EPB41L4A: variants seen among roughly 807,000 people sequenced by gnomAD.
EPB41L4A encodes the protein erythrocyte membrane protein band 4.1 like 4A, also known as band 4.1-like protein 4A.
Under a neutral mutation model 108.6 loss-of-function variants are expected in EPB41L4A, and 100 were observed. The observed-to-expected ratio is 0.92, with a 90% CI of 0.78 to 1.09. The LOEUF (loss-of-function observed/expected upper bound fraction) is 1.09. Ranked by LOEUF, EPB41L4A falls within the 50% of genes least tolerant of loss-of-function variation. The pLI is 0.00. For synonymous variants in EPB41L4A, 319 were observed against 289.0 expected (o/e 1.10, Z -1.05); for missense variants, 1,030 against 842.7 (o/e 1.22, Z -2.75).
chr5:112,150,366 T>C (rs1416877546), intron 12 of EPB41L4A, among the ~76,000 whole-genome samples: 1 of 150,856 alleles, frequency 6.6e-6, no homozygotes, highest in African/African-American at 2.4e-5. Context: ...AGTATCAGAG[T>C]ATTGAATAGT....
At chr5:112,383,773 A>AT (rs1760317678) in intron 1 of EPB41L4A, among the ~76,000 whole-genome samples, 1 of 152,220 alleles carries the variant, frequency 6.6e-6, no homozygotes, top group Non-Finnish European at 1.5e-5. Flanking sequence ...AATCCAATAT[A>AT]TAAGACCTTA....
chr5:112,365,791 C>T (rs1759086948), intron 1 of EPB41L4A, among the ~76,000 whole-genome samples: 1 of 152,140 alleles, frequency 6.6e-6, no homozygotes, highest in African/African-American at 2.4e-5. Flanking sequence ...AGTTTGATGA[C>T]CTTGATGGTT....
chr5:112,368,756 G>T (rs898038069), intron 1 of EPB41L4A, among the ~76,000 whole-genome samples: 2 of 152,118 alleles, frequency 1.3e-5, no homozygotes, highest in African/African-American at 4.8e-5. Flanking sequence ...GATGCTATTT[G>T]CTTTTCTGGT....
intron 12 of EPB41L4A, among the ~76,000 whole-genome samples, chr5:112,221,209 C>G (rs1359201158): frequency 6.6e-6 from 1 of 152,126 alleles, no homozygotes; most frequent in African/African-American, 2.4e-5. Context: ...CATTAAAACC[C>G]CCTTCTTTTG....
chr5:112,213,967 T>C (rs1415723489), intron 12 of EPB41L4A, among the ~76,000 whole-genome samples: 9 of 152,236 alleles, frequency 5.9e-5, no homozygotes, highest in African/African-American at 1.2e-4. Context: ...CATACCACCA[T>C]TTGAGATAGC....
intron 12 of EPB41L4A, among the ~76,000 whole-genome samples, chr5:112,152,828 A>T (rs1419591075): frequency 6.6e-6 from 1 of 152,224 alleles, no homozygotes; most frequent in Non-Finnish European, 1.5e-5. Flanking sequence ...AGCAAAAAAA[A>T]TTACCAGATT....
chr5:112,182,185 G>T (rs1254053877), intron 18 of EPB41L4A, among the ~76,000 whole-genome samples: 3 of 152,182 alleles, frequency 2.0e-5, no homozygotes, highest in Non-Finnish European at 2.9e-5. Context: ...GGATGGATAG[G>T]TTATGGATAC....
intron 1 of EPB41L4A, among the ~76,000 whole-genome samples, chr5:112,390,803 A>G (rs902663441): frequency 5.3e-5 from 8 of 152,290 alleles, no homozygotes; most frequent in Admixed American, 3.3e-4. Context: ...GTAGGGGCCA[A>G]CTGACACCTC....
At chr5:112,207,634 A>G (rs1177075089) in intron 13 of EPB41L4A, among the ~76,000 whole-genome samples, 4 of 152,196 alleles carry the variant, frequency 2.6e-5, no homozygotes, top group African/African-American at 9.7e-5. Flanking sequence ...GCACTTTTCC[A>G]AAGAAGACAT....
exon 14 of EPB41L4A, chr5:112,142,949 G>A (rs1736673688): frequency 6.6e-6 from 1 of 152,128 alleles, no homozygotes; most frequent in African/African-American, 2.4e-5. Context: ...TGCCAAGAGT[G>A]AGCCATGAGA....
At chr5:112,244,487 AAGAG>A (rs1415090287) in intron 9 of EPB41L4A, among the ~76,000 whole-genome samples, 1 of 152,010 alleles carries the variant, frequency 6.6e-6, no homozygotes, top group Non-Finnish European at 1.5e-5. Context: ...CTCCCTGAGA[AAGAG>A]AAAGAGACGT....
At position 112,208,615 on chromosome 5, in the gene EPB41L4A, G is replaced by C. The variant is rs746708223; in HGVS notation, c.1178+1277C>G. Among the ~76,000 whole-genome samples the C allele has an allele frequency of 4.0e-4, 61 of 152,246 alleles. No individual in the cohort carries two copies. The South Asian group carries it at 5.4e-3, about 13-fold the overall frequency. On this transcript the variant is annotated intron_variant, in intron 13 of 22. Coordinates refer to ENST00000261486, the MANE Select transcript of EPB41L4A (RefSeq NM_022140.5). The stretch of plus-strand genomic sequence containing the variant: ...GCAAGGGTTGAAAACTACCTATCAC[G>C]TACTGTGCTCACTACCTGAGTGATG...
At chr5:112,178,420 A>T (rs949692675) in intron 18 of EPB41L4A, among the ~76,000 whole-genome samples, 1 of 152,142 alleles carries the variant, frequency 6.6e-6, no homozygotes, top group African/African-American at 2.4e-5. Context: ...AATAAAAAAA[A>T]AGACACAATC....
At chr5:112,223,709 C>G (rs1395769573) in intron 12 of EPB41L4A, among the ~76,000 whole-genome samples, 1 of 152,196 alleles carries the variant, frequency 6.6e-6, no homozygotes, top group East Asian at 1.9e-4. Flanking sequence ...AACGACTAGT[C>G]TAAGGTTGTG....
At chr5:112,155,800 C>T (rs1759625386) in intron 12 of EPB41L4A, among the ~76,000 whole-genome samples, 2 of 152,118 alleles carry the variant, frequency 1.3e-5, no homozygotes, top group South Asian at 2.1e-4. Context: ...ATTTTACTTA[C>T]ATTTTAGGAA....
chr5:112,188,537 C>T (rs1761534727), intron 17 of EPB41L4A, among the ~76,000 whole-genome samples: 1 of 152,178 alleles, frequency 6.6e-6, no homozygotes, highest in Non-Finnish European at 1.5e-5. Context: ...CTTCCACAGT[C>T]ATCTCTGCCA....
At chr5:112,380,390 T>C (rs1760091004) in intron 1 of EPB41L4A, among the ~76,000 whole-genome samples, 1 of 152,202 alleles carries the variant, frequency 6.6e-6, no homozygotes, top group Non-Finnish European at 1.5e-5. Flanking sequence ...CTTTATTCTG[T>C]TAAATATTCT....
At chr5:112,316,481 T>A (rs954909634) in intron 1 of EPB41L4A, among the ~76,000 whole-genome samples, 1 of 152,144 alleles carries the variant, frequency 6.6e-6, no homozygotes, top group Non-Finnish European at 1.5e-5. Context: ...CAAAGGTAAC[T>A]CCTTCCCAGG....
chr5:112,390,537 G>C (rs1282760669), intron 1 of EPB41L4A, among the ~76,000 whole-genome samples: 2 of 152,226 alleles, frequency 1.3e-5, no homozygotes, highest in Non-Finnish European at 2.9e-5. Context: ...TAAATAAAGC[G>C]GCCCAGAAAC....
Sources: allele counts gnomAD v4.1 joint callset (sites outside exome capture counted in the v4.1 genomes callset), GRCh38; gene constraint gnomAD v4.1.1; transcripts MANE v1.5; gene names NCBI Gene and HGNC (gene_info 2026-07-23, HGNC 2026-07-21).